Variants in ANKS1B observed in about 807,000 individuals in gnomAD.
The protein encoded by ANKS1B is ankyrin repeat and sterile alpha motif domain-containing protein 1B.
A neutral mutation model predicts 148.3 loss-of-function variants in ANKS1B; 36 were observed. The observed-to-expected ratio is 0.24, with a 90% CI of 0.19 to 0.32. ANKS1B has a LOEUF of 0.32. Ranked by LOEUF, ANKS1B falls within the 10% of genes least tolerant of loss-of-function variation. ANKS1B has a pLI of 1.00. For synonymous variants in ANKS1B, 542 were observed against 560.8 expected (o/e 0.97, Z 0.47); for missense variants, 1,157 against 1,542.6 (o/e 0.75, Z 4.19).
At chr12:99,756,018 C>T (rs971656157) in intron 8 of ANKS1B, among the ~76,000 whole-genome samples, 5 of 152,056 alleles carry the variant, frequency 3.3e-5, no homozygotes, top group Non-Finnish European at 7.4e-5. Context: ...GGGGTGTTCC[C>T]ACTGAAAACT....
chr12:99,400,445 A>G (rs568547358), intron 11 of ANKS1B, among the ~76,000 whole-genome samples: 1 of 145,884 alleles, frequency 6.9e-6, no homozygotes, highest in Non-Finnish European at 1.5e-5. Context: ...AGAAAAGTCA[A>G]TTTAAACATA....
chr12:99,083,964 C>T (rs1266862601), intron 16 of ANKS1B: 3 of 152,170 alleles, frequency 2.0e-5, no homozygotes, highest in Non-Finnish European at 1.5e-5. Context: ...AAGATTCATG[C>T]TCAGATTTTG....
In ANKS1B at chr12:98,957,417, G is replaced by A. The variant is rs557497061; in HGVS notation, c.2778+95740C>T. Among the ~76,000 whole-genome samples the A allele has an allele frequency of 1.5e-4, 22 of 151,542 alleles. No homozygotes were observed. The East Asian group carries it at 2.9e-3, about 20-fold the overall frequency. On this transcript the variant is annotated intron_variant, in intron 17 of 26. Coordinates refer to ENST00000683438, the MANE Select transcript of ANKS1B (RefSeq NM_001352186.2). ...GGCTGGAGTGCAGTGGCGTGATCTC[G>A]GTTCACTGCAAGCTCCGCCTCCTGG...
At chr12:99,153,718 C>G (rs1417935381) in intron 15 of ANKS1B, among the ~76,000 whole-genome samples, 1 of 152,148 alleles carries the variant, frequency 6.6e-6, no homozygotes, top group African/African-American at 2.4e-5. Flanking sequence ...ATAAACAATA[C>G]TTCATCGCTC....
intron 15 of ANKS1B, among the ~76,000 whole-genome samples, chr12:99,132,339 A>G (rs1271003661): frequency 6.6e-6 from 1 of 152,070 alleles, no homozygotes; most frequent in Non-Finnish European, 1.5e-5. Flanking sequence ...AAGAGTTATA[A>G]AAAGTAATAG....
chr12:99,202,906 A>AGTGTCCTACATCCTCTCCAC (rs1322294524), intron 14 of ANKS1B, among the ~76,000 whole-genome samples: 13 of 152,038 alleles, frequency 8.6e-5, no homozygotes, highest in African/African-American at 3.1e-4. Context: ...TCCCTCTCCA[A>AGTGTCCTACATCCTCTCCAC]GTGTCCTACA....
chr12:99,182,234 G>T (rs149013845), intron 14 of ANKS1B, among the ~76,000 whole-genome samples: 2,266 of 152,134 alleles, frequency 0.015, 46 homozygotes, highest in African/African-American at 0.051. Context: ...CAGCATGGGG[G>T]AAACCACCCC....
intron 9 of ANKS1B, among the ~76,000 whole-genome samples, chr12:99,561,832 T>C (rs1274153056): frequency 6.6e-6 from 1 of 152,218 alleles, no homozygotes; most frequent in East Asian, 1.9e-4. Flanking sequence ...TGTTGATATG[T>C]TGACCTCCTC....
At chr12:99,187,280 G>A (rs1764096908) in intron 14 of ANKS1B, among the ~76,000 whole-genome samples, 1 of 151,914 alleles carries the variant, frequency 6.6e-6, no homozygotes. Flanking sequence ...TATTATCCAG[G>A]AGAACTTCCC....
intron 9 of ANKS1B, among the ~76,000 whole-genome samples, chr12:99,576,327 T>C (rs898876724): frequency 5.3e-5 from 8 of 151,734 alleles, no homozygotes; most frequent in African/African-American, 1.9e-4. Context: ...CACTAGATCA[T>C]TGAGACAAAA....
chr12:98,841,117 T>G (rs1303356728), intron 17 of ANKS1B, among the ~76,000 whole-genome samples: 1 of 152,202 alleles, frequency 6.6e-6, no homozygotes, highest in African/African-American at 2.4e-5. Flanking sequence ...CTAACGAGGG[T>G]ATTTTCTAAC....
intron 17 of ANKS1B, among the ~76,000 whole-genome samples, chr12:99,006,472 A>T (rs1032490843): frequency 6.6e-6 from 1 of 152,174 alleles, no homozygotes; most frequent in African/African-American, 2.4e-5. Flanking sequence ...CCTCATTCCT[A>T]TAAACATTTA....
chr12:98,964,944 T>C (rs1349474078), intron 17 of ANKS1B, among the ~76,000 whole-genome samples: 2 of 152,132 alleles, frequency 1.3e-5, no homozygotes, highest in Non-Finnish European at 2.9e-5. Flanking sequence ...TCAACAATAA[T>C]TTATTGTACA....
At chr12:99,369,193 T>C (rs2092947449) in intron 12 of ANKS1B, among the ~76,000 whole-genome samples, 1 of 152,190 alleles carries the variant, frequency 6.6e-6, no homozygotes, top group Non-Finnish European at 1.5e-5. Context: ...CCTAATGTGA[T>C]GCAATATAAG....
chr12:98,896,550 T>C (rs1010560318), intron 17 of ANKS1B, among the ~76,000 whole-genome samples: 7 of 152,232 alleles, frequency 4.6e-5, no homozygotes, highest in African/African-American at 1.7e-4. Context: ...CACTGTCTGC[T>C]TCTGTGAGGG....
chr12:99,000,984 T>A (rs548782033), intron 17 of ANKS1B, among the ~76,000 whole-genome samples: 1 of 152,006 alleles, frequency 6.6e-6, no homozygotes, highest in Admixed American at 6.6e-5. Flanking sequence ...TGTGTGTGTG[T>A]GCGCGCGTGC....
At chr12:99,357,678 A>C (rs572445231) in intron 12 of ANKS1B, among the ~76,000 whole-genome samples, 15 of 152,280 alleles carry the variant, frequency 9.9e-5, no homozygotes, top group Admixed American at 4.6e-4. Context: ...CACATAACAC[A>C]GTGTCTTGTC....
chr12:99,222,022 G>A (rs1215638779), intron 14 of ANKS1B, among the ~76,000 whole-genome samples: 2 of 151,944 alleles, frequency 1.3e-5, no homozygotes, highest in Non-Finnish European at 2.9e-5. Context: ...ATACCAGAAA[G>A]TGCTCTATGT....
chr12:99,370,914 A>G (rs2093096229), intron 12 of ANKS1B, among the ~76,000 whole-genome samples: 1 of 152,188 alleles, frequency 6.6e-6, no homozygotes. Context: ...TTCAGATGAG[A>G]GGACAGATTC....
Sources: gnomAD v4.1 joint callset for allele counts (sites outside exome capture counted in the v4.1 genomes callset) on GRCh38, gnomAD v4.1.1 for gene constraint, MANE v1.5 for transcripts, NCBI Gene and HGNC (gene_info 2026-07-23, HGNC 2026-07-21) for gene names.